Variants in RYR2 observed in about 807,000 individuals in gnomAD.
RYR2 encodes cardiac muscle ryanodine receptor-calcium release channel.
RYR2 carries 227 observed loss-of-function variants against 601.1 expected under a neutral mutation model. The ratio of observed to expected loss-of-function variants is 0.38; its 90% CI spans 0.34 to 0.42. The LOEUF (loss-of-function observed/expected upper bound fraction) is 0.42, where lower values mean the gene tolerates loss of function less well. Among genes scored for constraint, RYR2 ranks in the 10% least tolerant of loss-of-function variants. RYR2 has a pLI of 1.00. For missense variants in RYR2, 4,646 were observed against 6,156.5 expected, an observed-to-expected ratio of 0.75 and a Z score of 8.21; for synonymous variants, 2,223 against 2,175.1, an observed-to-expected ratio of 1.02 and a Z score of -0.61.
intron 14 of RYR2, among the ~76,000 whole-genome samples, chr1:237,449,376 C>T (rs1253793288): frequency 6.6e-6 from 1 of 152,150 alleles, no homozygotes; most frequent in South Asian, 2.1e-4. Context: ...TATTTTGTCA[C>T]TCTATGAATA....
At chr1:237,127,401 G>A (rs998039803) in intron 1 of RYR2, among the ~76,000 whole-genome samples, 3 of 148,570 alleles carry the variant, frequency 2.0e-5, no homozygotes, top group African/African-American at 5.0e-5. Flanking sequence ...GGGGCGGCTG[G>A]CCGGGCGGGG....
intron 63 of RYR2, among the ~76,000 whole-genome samples, chr1:237,697,963 G>A (rs1687637982): frequency 1.3e-5 from 2 of 152,020 alleles, no homozygotes; most frequent in Non-Finnish European, 2.9e-5. Context: ...GCTTGCCCAT[G>A]TTCTAATACA....
intron 1 of RYR2, among the ~76,000 whole-genome samples, chr1:237,130,164 C>A (rs978432462): frequency 4.0e-5 from 6 of 151,862 alleles, no homozygotes; most frequent in African/African-American, 9.7e-5. Flanking sequence ...TTAATCATTT[C>A]ACATTATATA....
chr1:237,233,576 T>G (rs776669787), intron 1 of RYR2, among the ~76,000 whole-genome samples: 1 of 152,230 alleles, frequency 6.6e-6, no homozygotes, highest in Non-Finnish European at 1.5e-5. Context: ...TCCATTTTTG[T>G]GCATGTTACA....
intron 4 of RYR2, among the ~76,000 whole-genome samples, chr1:237,360,139 G>A (rs990447541): frequency 1.3e-5 from 2 of 152,182 alleles, no homozygotes; most frequent in Non-Finnish European, 2.9e-5. Context: ...CCTGCGAAAT[G>A]CTTTCAAGCT....
intron 12 of RYR2, among the ~76,000 whole-genome samples, chr1:237,436,508 C>G (rs1003704000): frequency 9.1e-5 from 9 of 99,126 alleles, no homozygotes; most frequent in African/African-American, 3.5e-4. Flanking sequence ...GCTAACTAAG[C>G]CTGGCCTGGC....
intron 1 of RYR2, among the ~76,000 whole-genome samples, chr1:237,197,901 A>C (rs1680741342): frequency 6.6e-6 from 1 of 152,202 alleles, no homozygotes; most frequent in African/African-American, 2.4e-5. Context: ...GTTGTAGCAC[A>C]GGGGAGGGAA....
At chr1:237,144,449 G>A (rs1277032311) in intron 1 of RYR2, among the ~76,000 whole-genome samples, 3 of 152,148 alleles carry the variant, frequency 2.0e-5, no homozygotes, top group Admixed American at 6.5e-5. Context: ...TAGAGACTGC[G>A]AGATAGGGAC....
rs574838719 is a variant in RYR2 at position 237,150,397 on chromosome 1, G to T, written c.48+107828G>T. Among the ~76,000 whole-genome samples, 4 of 152,302 alleles carry T rather than the reference G, an allele frequency of 2.6e-5. No individual in the cohort carries two copies. The South Asian group carries it at 8.3e-4, about 32-fold the overall frequency. On this transcript the variant is annotated intron_variant, in intron 1 of 104. Transcript: ENST00000366574. Reference sequence around the variant, plus strand: ...ATTGATGGGATGAATTCAGAGGATGGAAGATTCTTGGAAAACAAGTTTCTA... The same window carrying T: ...ATTGATGGGATGAATTCAGAGGATGTAAGATTCTTGGAAAACAAGTTTCTA...
intron 25 of RYR2, among the ~76,000 whole-genome samples, chr1:237,538,762 C>G (rs1195960246): frequency 7.4e-6 from 1 of 134,988 alleles, no homozygotes; most frequent in African/African-American, 2.7e-5. Flanking sequence ...CAGAGTGAGA[C>G]TCCGTCACAA....
intron 2 of RYR2, among the ~76,000 whole-genome samples, chr1:237,296,695 T>C (rs1205078848): frequency 6.6e-6 from 1 of 152,162 alleles, no homozygotes; most frequent in African/African-American, 2.4e-5. Flanking sequence ...GGTTATATTA[T>C]GGTATTTAAA....
At chr1:237,335,418 G>A (rs993520012) in intron 3 of RYR2, among the ~76,000 whole-genome samples, 3 of 152,100 alleles carry the variant, frequency 2.0e-5, no homozygotes, top group Non-Finnish European at 4.4e-5. Flanking sequence ...AAGGGCTTTG[G>A]TTTTGGAGTC....
intron 87 of RYR2, among the ~76,000 whole-genome samples, chr1:237,777,827 G>A (rs1265009318): frequency 6.6e-6 from 1 of 152,166 alleles, no homozygotes; most frequent in Non-Finnish European, 1.5e-5. Flanking sequence ...TAATGGTTCA[G>A]CACTTCACCA....
rs1336695362 is a variant in RYR2 at position 237,445,647 on chromosome 1, C to T, written c.1292+125C>T. 3 of 1,148,594 alleles carry T rather than the reference C, an allele frequency of 2.6e-6. No individual in the cohort carries two copies. In the African/African-American group the frequency reaches 4.7e-5, roughly 18 times the overall value. The allele number at this position is 1,148,594 out of a possible 1,614,324, so 71.2% of individuals were successfully genotyped here. A position where few individuals can be genotyped will look rare whatever the true frequency, so the allele number is the denominator to read the frequency against. On this transcript the variant is annotated intron_variant, in intron 14 of 104. Coordinates refer to ENST00000366574, the MANE Select transcript of RYR2 (RefSeq NM_001035.3). ...AATCTCATACTGTTTGGTAAGTCAGCAGAAACGTTAGGAAGTGTTAATGAG... is the reference window on the plus strand; with the variant it reads ...AATCTCATACTGTTTGGTAAGTCAGTAGAAACGTTAGGAAGTGTTAATGAG...
intron 84 of RYR2, among the ~76,000 whole-genome samples, chr1:237,767,647 A>G (rs1359557640): frequency 6.6e-6 from 1 of 152,232 alleles, no homozygotes; most frequent in Non-Finnish European, 1.5e-5. Flanking sequence ...GTCACTAACT[A>G]AATATTAACT....
intron 1 of RYR2, among the ~76,000 whole-genome samples, chr1:237,236,705 G>A (rs1685582368): frequency 6.6e-6 from 1 of 152,182 alleles, no homozygotes; most frequent in Non-Finnish European, 1.5e-5. Context: ...AAAGAACTTA[G>A]ATTGAGTGTA....
chr1:237,377,669 T>A (rs1253775921), intron 8 of RYR2, among the ~76,000 whole-genome samples: 1 of 152,230 alleles, frequency 6.6e-6, no homozygotes, highest in Non-Finnish European at 1.5e-5. Context: ...TTGATATGCA[T>A]GTTCATGATA....
chr1:237,119,937 G>A (rs1457097141), intron 1 of RYR2, among the ~76,000 whole-genome samples: 1 of 152,110 alleles, frequency 6.6e-6, no homozygotes, highest in Non-Finnish European at 1.5e-5. Context: ...TAGATTAAAG[G>A]ACACAGCAAT....
At chr1:237,332,998 T>C (rs1028538089) in intron 3 of RYR2, among the ~76,000 whole-genome samples, 1 of 152,208 alleles carries the variant, frequency 6.6e-6, no homozygotes, top group Non-Finnish European at 1.5e-5. Flanking sequence ...GGATTTATGT[T>C]TTCAAGACAT....
Sources: allele counts gnomAD v4.1 joint callset (sites outside exome capture counted in the v4.1 genomes callset), GRCh38; gene constraint gnomAD v4.1.1; transcripts MANE v1.5; gene names NCBI Gene and HGNC (gene_info 2026-07-23, HGNC 2026-07-21).